RNF216: variants seen among roughly 807,000 people sequenced by gnomAD.
RNF216 encodes the protein E3 ubiquitin-protein ligase RNF216.
A neutral mutation model predicts 110.8 loss-of-function variants in RNF216; 72 were observed. The observed-to-expected ratio is 0.65, with a 90% CI of 0.54 to 0.79. RNF216 has a LOEUF of 0.79. RNF216 is among the 30% of genes least tolerant of loss of function. The pLI is 0.00. For synonymous variants in RNF216, 495 were observed against 407.5 expected (o/e 1.21, Z -2.59); for missense variants, 1,342 against 1,141.2 (o/e 1.18, Z -2.54).
chr7:5,650,409 A>T (rs1788318512), intron 14 of RNF216, among the ~76,000 whole-genome samples: 1 of 152,176 alleles, frequency 6.6e-6, no homozygotes, highest in Non-Finnish European at 1.5e-5. Flanking sequence ...TTTGTAAGTA[A>T]TTCTCCTTCC....
intron 13 of RNF216, among the ~76,000 whole-genome samples, chr7:5,674,502 C>T (rs1333967542): frequency 1.3e-5 from 2 of 151,742 alleles, no homozygotes; most frequent in African/African-American, 2.4e-5. Context: ...GTGGCACACA[C>T]CTGTAGTCCC....
At chr7:5,731,174 C>T (rs1794066265) in intron 5 of RNF216, among the ~76,000 whole-genome samples, 1 of 152,194 alleles carries the variant, frequency 6.6e-6, no homozygotes, top group South Asian at 2.1e-4. Flanking sequence ...GTCGAGAAAA[C>T]TATGAACAAG....
intron 13 of RNF216, among the ~76,000 whole-genome samples, chr7:5,672,421 A>G (rs1482127659): frequency 1.3e-5 from 2 of 152,234 alleles, no homozygotes; most frequent in Non-Finnish European, 2.9e-5. Context: ...ATTTAATAAC[A>G]AGAAGTGAAG....
At chr7:5,714,475 C>A (rs1345896807) in intron 11 of RNF216, among the ~76,000 whole-genome samples, 1 of 151,444 alleles carries the variant, frequency 6.6e-6, no homozygotes, top group Non-Finnish European at 1.5e-5. Context: ...TCAGGCTGGT[C>A]TTGAACTCCT....
rs1790613246 is a variant in RNF216, at chr7:5,680,956, C to T, written c.2062-28446G>A. On this transcript the variant is annotated intron_variant, in intron 13 of 16. Coordinates refer to ENST00000389902, the MANE Select transcript of RNF216 (RefSeq NM_207111.4). This position sits in a 1 kb window ranked among gnomAD's most constrained non-coding sequence, Gnocchi z 4.3. ...AAAACCCAGCCTAGATCCCCTCTGG[C>T]TGGGCCATGGCGGAGAGCCTGGACT... 6.6e-6 allele frequency among the ~76,000 whole-genome samples: 1 copy of T among 152,200 alleles called. No individual in the cohort carries two copies. The highest frequency in any genetic ancestry group is 2.4e-5 in the African/African-American group (1 of 41,456).
chr7:5,648,981 G>A (rs1309732283), intron 14 of RNF216, among the ~76,000 whole-genome samples: 1 of 152,146 alleles, frequency 6.6e-6, no homozygotes, highest in African/African-American at 2.4e-5. Flanking sequence ...TTTTGTTAGT[G>A]GTCATAAAGG....
At chr7:5,777,016 T>A (rs573132186) in intron 1 of RNF216, among the ~76,000 whole-genome samples, 3 of 151,968 alleles carry the variant, frequency 2.0e-5, no homozygotes, top group African/African-American at 4.8e-5. Flanking sequence ...ACAACAGCTT[T>A]CACTTAGGGC....
intron 13 of RNF216, among the ~76,000 whole-genome samples, chr7:5,701,109 C>T (rs570253661): frequency 1.3e-5 from 2 of 152,286 alleles, no homozygotes; most frequent in East Asian, 1.9e-4. Context: ...AGCACACACA[C>T]GACAGCCTCC....
chr7:5,703,076 G>A (rs976356062), intron 13 of RNF216, among the ~76,000 whole-genome samples: 1 of 152,196 alleles, frequency 6.6e-6, no homozygotes. Flanking sequence ...TCACCTTGGA[G>A]GAGCAAGGGC....
At chr7:5,751,211 A>AT (rs1356069928) in intron 3 of RNF216, among the ~76,000 whole-genome samples, 2 of 152,234 alleles carry the variant, frequency 1.3e-5, no homozygotes, top group African/African-American at 4.8e-5. Context: ...AAGTGTGATA[A>AT]TGAGGACACC....
At chr7:5,722,078 C>G (rs1793462613) in intron 8 of RNF216, among the ~76,000 whole-genome samples, 1 of 152,100 alleles carries the variant, frequency 6.6e-6, no homozygotes, top group African/African-American at 2.4e-5. Flanking sequence ...CAGATGCCAC[C>G]ACACCCAGCT....
In RNF216 at chr7:5,655,836, C is replaced by G. The variant is rs571672862; in HGVS notation, c.2062-3326G>C. Among the ~76,000 whole-genome samples the G allele has an allele frequency of 9.2e-5, 14 of 151,886 alleles. No homozygotes were observed. In the East Asian group the frequency reaches 2.3e-3, roughly 25 times the overall value. On this transcript the variant is annotated intron_variant, in intron 13 of 16. Transcript: ENST00000389902. Reference sequence around the variant, plus strand: ...TGCTCCTAAACTCAGCAAATGCTTACGCATATTACGAAGAAACGCTCTTGA... The same window carrying G: ...TGCTCCTAAACTCAGCAAATGCTTAGGCATATTACGAAGAAACGCTCTTGA...
At chr7:5,716,173 C>T (rs938117229) in intron 10 of RNF216, among the ~76,000 whole-genome samples, 4 of 152,192 alleles carry the variant, frequency 2.6e-5, no homozygotes, top group Admixed American at 6.5e-5. Flanking sequence ...ATTACAGGCA[C>T]GAGCCACGGT....
chr7:5,756,103 C>A (rs1314824089), intron 2 of RNF216, among the ~76,000 whole-genome samples: 2 of 136,282 alleles, frequency 1.5e-5, no homozygotes, highest in Non-Finnish European at 3.4e-5. Context: ...CCCCATTCTG[C>A]TCTCGTGATA....
chr7:5,744,118 T>G (rs1002921520), intron 3 of RNF216, among the ~76,000 whole-genome samples: 2 of 152,170 alleles, frequency 1.3e-5, no homozygotes, highest in African/African-American at 4.8e-5. Flanking sequence ...AATTCTAAAG[T>G]AACAGCATGT....
chr7:5,645,478 T>A (rs906511488), intron 14 of RNF216, among the ~76,000 whole-genome samples: 2 of 152,242 alleles, frequency 1.3e-5, no homozygotes, highest in African/African-American at 4.8e-5. Context: ...AACAGCCGTA[T>A]CTTCAAGATC....
At chr7:5,691,591 T>G (rs1003634933) in intron 13 of RNF216, among the ~76,000 whole-genome samples, 6 of 152,186 alleles carry the variant, frequency 3.9e-5, no homozygotes, top group African/African-American at 1.2e-4. Context: ...AAGTCTATTC[T>G]TTAAAATGCC....
At chr7:5,742,255 C>G (rs905160739) in intron 3 of RNF216, among the ~76,000 whole-genome samples, 10 of 152,136 alleles carry the variant, frequency 6.6e-5, no homozygotes, top group Admixed American at 2.6e-4. Context: ...CCATGTTGGC[C>G]ACGCTCGTCT....
chr7:5,729,639 A>G (rs980269063), intron 6 of RNF216, 43 bp from the exon 7 acceptor site: 1 of 1,508,122 alleles, frequency 6.6e-7, no homozygotes, highest in South Asian at 1.1e-5. Flanking sequence ...CAGGCAGTAC[A>G]TTTCCCATAC....
Sources: gnomAD v4.1 joint callset for allele counts (sites outside exome capture counted in the v4.1 genomes callset) on GRCh38, gnomAD v4.1.1 for gene constraint, Gnocchi (gnomAD v3.1) non-coding constraint, MANE v1.5 for transcripts, NCBI Gene and HGNC (gene_info 2026-07-23, HGNC 2026-07-21) for gene names.